Variants in DIP2C observed in about 807,000 individuals in gnomAD.
The protein encoded by DIP2C is DIP2 acetate--CoA ligase C (putative), also known as disco-interacting protein 2 homolog C.
A neutral mutation model predicts 192.4 loss-of-function variants in DIP2C; 33 were observed. The ratio of observed to expected loss-of-function variants is 0.17; its 90% confidence interval spans 0.13 to 0.23. The LOEUF is 0.23. Ranked by LOEUF, DIP2C falls within the 10% of genes least tolerant of loss-of-function variation. The pLI is 1.00. For missense variants in DIP2C, 1,537 were observed against 2,110.1 expected, an observed-to-expected ratio of 0.73 and a Z score of 5.32; for synonymous variants, 979 against 864.1, an observed-to-expected ratio of 1.13 and a Z score of -2.33.
At chr10:529,043 C>T (rs1456089082) in intron 1 of DIP2C, among the ~76,000 whole-genome samples, 3 of 152,212 alleles carry the variant, frequency 2.0e-5, no homozygotes, top group East Asian at 3.9e-4. Context: ...GTGAGGACGG[C>T]GCTGCCGGCA....
intron 1 of DIP2C, among the ~76,000 whole-genome samples, chr10:529,586 C>G (rs1401292196): frequency 6.6e-6 from 1 of 152,150 alleles, no homozygotes. Flanking sequence ...GAGACAGATC[C>G]TAAACACCGT....
At chr10:389,933 C>T (rs778630156) in intron 13 of DIP2C, 58 bp downstream of exon 13, 161 of 1,377,904 alleles carry the variant, frequency 1.2e-4, no homozygotes, top group Non-Finnish European at 1.5e-4. Context: ...ATGTGGCCTT[C>T]GTGTCAGGTG....
At chr10:365,154 G>A (rs917077882) in intron 19 of DIP2C, 11 of 394,306 alleles carry the variant, frequency 2.8e-5, no homozygotes, top group Admixed American at 1.1e-4. Flanking sequence ...GCTCAGTTTC[G>A]AGGGATATTT....
intron 29 of DIP2C, 135 bp downstream of exon 29, chr10:341,064 C>A: frequency 8.0e-7 from 1 of 1,254,248 alleles, no homozygotes; most frequent in East Asian, 2.3e-5. Flanking sequence ...AGTAGAGGGA[C>A]ACGGGTAAGC....
At chr10:379,422 G>A (rs1197129864) in intron 17 of DIP2C, among the ~76,000 whole-genome samples, 2 of 152,144 alleles carry the variant, frequency 1.3e-5, no homozygotes, top group African/African-American at 2.4e-5. Flanking sequence ...GCTTGCAAGA[G>A]TGATATGAAG....
At chr10:473,050 A>G (rs1043374797) in intron 2 of DIP2C, among the ~76,000 whole-genome samples, 13 of 152,128 alleles carry the variant, frequency 8.5e-5, no homozygotes, top group Admixed American at 3.3e-4. Flanking sequence ...AGCTTTGCTC[A>G]TTCCAGATTA....
intron 27 of DIP2C, 24 bp from the exon 28 acceptor site, chr10:344,942 C>T (rs1192187023): frequency 6.2e-7 from 1 of 1,603,420 alleles, no homozygotes; most frequent in Non-Finnish European, 8.5e-7. Flanking sequence ...TGACTATCAG[C>T]AGATCCAGCC....
chr10:343,090 A>C (rs1279062710), intron 28 of DIP2C, among the ~76,000 whole-genome samples: 2 of 152,126 alleles, frequency 1.3e-5, no homozygotes, highest in Non-Finnish European at 2.9e-5. Context: ...GAGATCGAGA[A>C]CATCCTGGCT....
intron 1 of DIP2C, among the ~76,000 whole-genome samples, chr10:617,649 GA>G (rs1282354214): frequency 6.9e-6 from 1 of 145,868 alleles, no homozygotes; most frequent in African/African-American, 2.7e-5. Flanking sequence ...GGCTCCTGTG[GA>G]TACCACCCCC....
At chr10:484,716 G>T (rs559987135) in intron 2 of DIP2C, 4 of 1,546,554 alleles carry the variant, frequency 2.6e-6, no homozygotes, top group East Asian at 4.7e-5. Flanking sequence ...GATGGCACTC[G>T]GCGGGTGGCC....
intron 1 of DIP2C, among the ~76,000 whole-genome samples, chr10:548,438 G>GGGAT (rs1423151094): frequency 6.7e-6 from 1 of 149,030 alleles, no homozygotes; most frequent in African/African-American, 2.5e-5. Flanking sequence ...GGAGGCCACC[G>GGGAT]GGATGGAGGG....
intron 1 of DIP2C, among the ~76,000 whole-genome samples, chr10:568,784 A>AAAACAAACAAAC (rs1564208270): frequency 6.9e-6 from 1 of 145,518 alleles, no homozygotes; most frequent in African/African-American, 2.5e-5. Flanking sequence ...AAAAAAAAAA[A>AAAACAAACAAAC]AAAAAAAAAA....
chr10:418,866 T>A (rs1965980751), intron 6 of DIP2C, among the ~76,000 whole-genome samples, 199 bp downstream of exon 6: 1 of 152,254 alleles, frequency 6.6e-6, no homozygotes, highest in Non-Finnish European at 1.5e-5. Flanking sequence ...CTACAAGGAA[T>A]AACTGTGGGC....
chr10:575,132 T>C (rs896282980), intron 1 of DIP2C, among the ~76,000 whole-genome samples: 4 of 152,134 alleles, frequency 2.6e-5, no homozygotes, highest in African/African-American at 9.7e-5. Context: ...CGTTCTCAAC[T>C]TTACCTTCGC....
chr10:288,322 C>T lies in DIP2C; in HGVS notation c.4044+42G>A, dbSNP rs371652738. ...ATTTCAAAGCCCATACAGTCAGAAG[C>T]GAACGGATACAGAAATGCGTGCCTC... On this transcript the variant is annotated intron_variant, in intron 33 of 36. Coordinates refer to ENST00000280886, the MANE Select transcript of DIP2C (RefSeq NM_014974.3). The T allele has an allele frequency of 3.0e-5, 47 of 1,587,780 alleles. No individual in the cohort carries two copies. The African/African-American group carries it at 3.0e-4, about 10-fold the overall frequency.
At chr10:480,178 C>T (rs113070582) in intron 2 of DIP2C, among the ~76,000 whole-genome samples, 2 of 143,634 alleles carry the variant, frequency 1.4e-5, no homozygotes, top group African/African-American at 2.6e-5. Flanking sequence ...CCAGCCTGAG[C>T]CCCGGTCCAT....
chr10:476,206 T>G (rs1476247230), intron 2 of DIP2C, among the ~76,000 whole-genome samples: 3 of 152,022 alleles, frequency 2.0e-5, no homozygotes, highest in African/African-American at 4.8e-5. Flanking sequence ...CAAGGTCTCT[T>G]GAGGCAAGAA....
intron 1 of DIP2C, among the ~76,000 whole-genome samples, chr10:619,524 A>G (rs11253285): frequency 0.078 from 5,277 of 67,508 alleles, 139 homozygotes; most frequent in East Asian, 0.27. Flanking sequence ...CAGGGCCAGG[A>G]CCAAGCCCGC....
At chr10:580,541 G>A (rs185352316) in intron 1 of DIP2C, among the ~76,000 whole-genome samples, 7 of 152,254 alleles carry the variant, frequency 4.6e-5, no homozygotes, top group Middle Eastern at 3.4e-3. Flanking sequence ...ACATGTACAT[G>A]CATGCCCATA....
Sources: gnomAD v4.1 joint callset for allele counts (sites outside exome capture counted in the v4.1 genomes callset) on GRCh38, gnomAD v4.1.1 for gene constraint, MANE v1.5 for transcripts, NCBI Gene and HGNC (gene_info 2026-07-23, HGNC 2026-07-21) for gene names.